SLC50A1: variants seen among roughly 807,000 people sequenced by gnomAD.
SLC50A1 encodes sugar transporter SWEET1.
SLC50A1 carries 22 observed loss-of-function variants against 28.9 expected under a neutral mutation model. The observed-to-expected ratio is 0.76, with a 90% confidence interval of 0.54 to 1.09. SLC50A1 has a LOEUF of 1.09. Among genes scored for constraint, SLC50A1 ranks in the 50% least tolerant of loss-of-function variants. The pLI, the probability that SLC50A1 is intolerant of heterozygous loss-of-function variation, is 0.00. For missense variants in SLC50A1, 233 were observed against 273.4 expected, an observed-to-expected ratio of 0.85 and a Z score of 1.04; for synonymous variants, 96 against 110.6, an observed-to-expected ratio of 0.87 and a Z score of 0.83.
Position 155,138,361 on chromosome 1 carries a change from C to T in SLC50A1, c.*80C>T. 1 of 1,353,936 alleles carries T rather than the reference C, an allele frequency of 7.4e-7. No individual in the cohort carries two copies. The highest frequency in any genetic ancestry group is 1.0e-6 in the Non-Finnish European group (1 of 963,258). 83.9% of individuals were successfully genotyped at this position (1,353,936 alleles called of 1,614,324 possible). ...CCTTGTTTCAGCTGGGCCTGCTGTC[C>T]AGCTTCCCAGGTGCAGTGGGTTGTG... On this transcript the variant is annotated 3_prime_UTR_variant, in exon 6 of 6. Coordinates refer to ENST00000368404, the MANE Select transcript of SLC50A1 (RefSeq NM_018845.4).
In SLC50A1 at chr1:155,138,488, AT is replaced by A. The variant is rs537480994; in HGVS notation, c.*218del. Reference sequence around the variant, plus strand: ...TGAAATCACTTTTTATTTTTTAGAGATTTTTTTTTTTAATTTTGGAGGTTGG... The same window carrying A: ...TGAAATCACTTTTTATTTTTTAGAGATTTTTTTTTTAATTTTGGAGGTTGG... On this transcript the variant is annotated 3_prime_UTR_variant, in exon 6 of 6. Coordinates refer to ENST00000368404, the MANE Select transcript of SLC50A1 (RefSeq NM_018845.4). 19,781 of 452,500 alleles carry A rather than the reference AT, an allele frequency of 0.044. No homozygotes were observed. The highest frequency in any genetic ancestry group is 0.056 in the Middle Eastern group (90 of 1,606). 28.0% of individuals were successfully genotyped at this position (452,500 alleles called of 1,614,324 possible).
intron 1 of SLC50A1, 129 bp downstream of exon 1, chr1:155,136,120 C>T: frequency 8.9e-7 from 1 of 1,126,298 alleles, no homozygotes; most frequent in East Asian, 3.4e-5. Flanking sequence ...GTCGAGGGGA[C>T]CGGGGTACAA....
At chr1:155,136,614 G>A (rs1664498291) in intron 2 of SLC50A1, 1 of 727,990 alleles carries the variant, frequency 1.4e-6, no homozygotes, top group South Asian at 1.9e-5. Context: ...GTGGTGCCGG[G>A]CGCCTGTAGT....
chr1:155,136,441 G>A (rs1664478697), intron 2 of SLC50A1, 65 bp downstream of exon 2: 3 of 1,477,308 alleles, frequency 2.0e-6, no homozygotes, highest in Non-Finnish European at 2.8e-6. Context: ...GGGGCAGGAG[G>A]AGCAAGAGTG....
In SLC50A1 at chr1:155,137,000, C is replaced by G. The variant is rs377460413; in HGVS notation, c.282+49C>G. On this transcript the variant is annotated intron_variant, in intron 3 of 5. Coordinates refer to ENST00000368404, the MANE Select transcript of SLC50A1 (RefSeq NM_018845.4). ...CCTATCTGCTGCACGCCCTGCCTTG[C>G]TGGCAGGGCAAACACTATTTCCTAG... 5.0e-6 allele frequency: 8 copies of G among 1,597,594 alleles called. No homozygotes were observed. The Admixed American group carries it at 5.0e-5, about 10-fold the overall frequency.
At chr1:155,136,234 AT>A (rs1664454720) in intron 1 of SLC50A1, 64 bp from the exon 2 acceptor site, 1 of 1,158,172 alleles carries the variant, frequency 8.6e-7, no homozygotes. Context: ...GGCATTGGGC[AT>A]CCCCCTCTAG....
chr1:155,135,586 G>A, upstream of SLC50A1: 1 of 1,548,772 alleles, frequency 6.5e-7, no homozygotes. Context: ...GGGGCGTCTA[G>A]ATGATCCAAG....
rs753256339 is a variant in SLC50A1, at chr1:155,136,309, A to T, written c.91A>T (p.Arg31Trp). 6.2e-7 allele frequency: 1 copy of T among 1,609,252 alleles called. No individual in the cohort carries two copies. The highest frequency in any genetic ancestry group is 2.2e-5 in the East Asian group (1 of 44,662). Residue 31 changes from arginine (R) to tryptophan (W), a missense_variant, in exon 2 of 6, where the codon AGG (arginine) becomes TGG (tryptophan). Coordinates refer to ENST00000368404, the MANE Select transcript of SLC50A1 (RefSeq NM_018845.4). ...GMFSAGLSDL[R>W]HMRMTRSVDN... ...GGGGCCCCATTACAGCTCGGACCTC[A>T]GGCACATGCGAATGACCCGGAGTGT...
upstream of SLC50A1, chr1:155,135,784 C>G (rs1557789124): frequency 6.4e-7 from 1 of 1,550,962 alleles, no homozygotes; most frequent in Non-Finnish European, 8.7e-7. Context: ...GGAGGGACGG[C>G]CCGAGCGTGC....
Position 155,136,922 on chromosome 1 carries a change from T to C in SLC50A1, c.253T>C (p.Leu85=). ...VGAALQTLYI[L]AYLHYCPRKR... The stretch of plus-strand genomic sequence containing the variant: ...TGCTGCGCTTCAGACCCTGTATATC[T>C]TGGCATATCTGCATTACTGCCCTCG... Residue 85 remains leucine (L), a synonymous_variant, in exon 3 of 6, where the codon TTG becomes CTG. Coordinates refer to ENST00000368404, the MANE Select transcript of SLC50A1 (RefSeq NM_018845.4). 1 of 1,614,192 alleles carries C rather than the reference T, an allele frequency of 6.2e-7. No individual in the cohort carries two copies. The highest frequency in any genetic ancestry group is 8.5e-7 in the Non-Finnish European group (1 of 1,180,018).
Position 155,137,597 on chromosome 1 carries a change from G to A in SLC50A1, c.319G>A (p.Val107Ile). ...VLLQTATLLG[V>I]LLLGYGYFWL... ...CCTACAGACTGCAACCCTGCTAGGG[G>A]TCCTTCTCCTGGGTTATGGCTACTT... Residue 107 changes from valine to isoleucine, a missense_variant, in exon 4 of 6, where the codon GTC becomes ATC. By Grantham distance (29) the Val-to-Ile change is conservative. Transcript: ENST00000368404. The A allele has an allele frequency of 1.2e-6, 2 of 1,614,162 alleles. No homozygotes were observed. The highest frequency in any genetic ancestry group is 2.2e-5 in the South Asian group (2 of 91,076).
rs750855656 is a variant in SLC50A1 at position 155,138,287 on chromosome 1, C to T, written c.*6C>T. On this transcript the variant is annotated 3_prime_UTR_variant, in exon 6 of 6. Transcript: ENST00000368404. ...ACTGGCTCCTGCAAACCTGAGGCTG[C>T]TCATCTGACCACTGGGCACCTTAGT... 1.2e-6 allele frequency: 2 copies of T among 1,613,492 alleles called. No individual in the cohort carries two copies. The highest frequency in any genetic ancestry group is 2.2e-5 in the East Asian group (1 of 44,876).
At chr1:155,136,691 C>G (rs1184871992) in intron 2 of SLC50A1, 137 bp from the exon 3 acceptor site, 12 of 1,261,100 alleles carry the variant, frequency 9.5e-6, no homozygotes, top group Non-Finnish European at 1.3e-5. Flanking sequence ...TGCAGTGAGC[C>G]GAGATCGTGC....
Position 155,138,253 on chromosome 1 carries a change from AC to A in SLC50A1, c.639del (p.Asp213GlufsTer65). ...TTCTGGAAGTACCCCCAGGAGCAAG[AC>A]AGGAACTACTGGCTCCTGCAAACCT... is the stretch of plus-strand genomic sequence containing the variant. ...WLFWKYPQEQ[D>X]RNYWLLQT On this transcript the variant is annotated frameshift_variant, in exon 6 of 6. Transcript: ENST00000368404. LOFTEE classifies it high-confidence loss of function. 1 of 1,614,148 alleles carries A rather than the reference AC, an allele frequency of 6.2e-7. No individual in the cohort carries two copies. The highest frequency in any genetic ancestry group is 8.5e-7 in the Non-Finnish European group (1 of 1,180,032).
At chr1:155,135,792 T>C (rs1446145024), upstream of SLC50A1, 1 of 1,555,998 alleles carries the variant, frequency 6.4e-7, no homozygotes, top group Admixed American at 1.9e-5. Flanking sequence ...GGCCCGAGCG[T>C]GCGGGGGCGG....
upstream of SLC50A1, chr1:155,135,682 T>C: frequency 6.5e-7 from 1 of 1,549,986 alleles, no homozygotes; most frequent in Non-Finnish European, 8.7e-7. Context: ...ATGGAAGAGG[T>C]CTGGACCAGG....
At chr1:155,135,434 T>C, upstream of SLC50A1, 4 of 705,696 alleles carry the variant, frequency 5.7e-6, no homozygotes, top group Non-Finnish European at 9.0e-6. Context: ...AGAAAAAAAC[T>C]TCCCAAACCC....
At chr1:155,136,635 C>G (rs1219334991) in intron 2 of SLC50A1, 193 bp from the exon 3 acceptor site, 2 of 839,080 alleles carry the variant, frequency 2.4e-6, no homozygotes, top group East Asian at 2.7e-5. Context: ...CCCAGCTACT[C>G]GGGAGGCTGA....
chr1:155,136,618 C>T (rs946985900), intron 2 of SLC50A1: 6 of 750,070 alleles, frequency 8.0e-6, no homozygotes, highest in Non-Finnish European at 1.3e-5. Flanking sequence ...TGCCGGGCGC[C>T]TGTAGTCCCA....
Sources: allele counts gnomAD v4.1 joint callset, GRCh38; gene constraint gnomAD v4.1.1; transcripts MANE v1.5; gene names NCBI Gene and HGNC (gene_info 2026-07-23, HGNC 2026-07-21).